Variants in MCU observed in about 807,000 individuals in gnomAD.
MCU encodes the protein mitochondrial calcium uniporter, also known as calcium uniporter protein, mitochondrial.
Under a neutral mutation model 45.2 loss-of-function variants are expected in MCU, and 12 were observed. The observed-to-expected ratio is 0.27, with a 90% CI of 0.17 to 0.43. MCU has a LOEUF of 0.43. Among genes scored for constraint, MCU ranks in the 20% least tolerant of loss-of-function variants. The pLI is 1.00. For missense variants in MCU, 324 were observed against 436.7 expected, an observed-to-expected ratio of 0.74 and a Z score of 2.30; for synonymous variants, 160 against 165.1, an observed-to-expected ratio of 0.97 and a Z score of 0.24.
At chr10:72,717,169 A>G (rs1413721809) in intron 1 of MCU, among the ~76,000 whole-genome samples, 4 of 149,736 alleles carry the variant, frequency 2.7e-5, no homozygotes, top group East Asian at 1.9e-4. Context: ...CAAAGACTCA[A>G]TGATTTAAAC....
At chr10:72,794,751 CT>C (rs1406315392) in intron 1 of MCU, among the ~76,000 whole-genome samples, 2 of 152,184 alleles carry the variant, frequency 1.3e-5, no homozygotes, top group Non-Finnish European at 2.9e-5. Flanking sequence ...GAACAAGACC[CT>C]TAGGCTTCTT....
intron 6 of MCU, among the ~76,000 whole-genome samples, chr10:72,872,132 C>CT (rs1564580678): frequency 6.6e-6 from 1 of 151,950 alleles, no homozygotes; most frequent in African/African-American, 2.4e-5. Context: ...CAAGTCTATT[C>CT]TTTTTTTATT....
intron 1 of MCU, among the ~76,000 whole-genome samples, chr10:72,825,541 A>G (rs1844785926): frequency 6.6e-6 from 1 of 152,244 alleles, no homozygotes; most frequent in African/African-American, 2.4e-5. Context: ...TCAGTATTCA[A>G]GAACAAAGGA....
At chr10:72,747,364 GTTTTC>G (rs1589442382) in intron 1 of MCU, among the ~76,000 whole-genome samples, 3 of 152,102 alleles carry the variant, frequency 2.0e-5, no homozygotes, top group South Asian at 4.1e-4. Flanking sequence ...GTTTTTGTTG[GTTTTC>G]TTTTCTTTTC....
intron 1 of MCU, among the ~76,000 whole-genome samples, chr10:72,746,836 T>C (rs986399971): frequency 2.6e-5 from 4 of 152,240 alleles, no homozygotes; most frequent in African/African-American, 7.2e-5. Context: ...TATTATGTAC[T>C]GAATTGGGGA....
chr10:72,803,231 G>T (rs1164510612), intron 1 of MCU, among the ~76,000 whole-genome samples: 14 of 151,328 alleles, frequency 9.3e-5, no homozygotes, highest in Non-Finnish European at 4.4e-5. Flanking sequence ...TTTTTTTTAA[G>T]AAATGATTTC....
chr10:72,776,561 C>T (rs1393255907), intron 1 of MCU, among the ~76,000 whole-genome samples: 1 of 152,134 alleles, frequency 6.6e-6, no homozygotes, highest in Non-Finnish European at 1.5e-5. Flanking sequence ...ATAGAAGGAG[C>T]ATACCTCAAA....
Position 72,694,501 on chromosome 10 carries a change from A to G in MCU, c.150+2200A>G, listed in dbSNP as rs1174207582. ...TATTGTCCATTATGAAAGTATTGCT[A>G]TTTCAAAACCCCATGAATGGGAATT... On this transcript the variant is annotated intron_variant, in intron 1 of 7. Transcript: ENST00000373053. Among the ~76,000 whole-genome samples the G allele has an allele frequency of 2.0e-5, 3 of 152,208 alleles. No individual in the cohort carries two copies. In the East Asian group the frequency reaches 5.8e-4, roughly 29 times the overall value.
intron 1 of MCU, among the ~76,000 whole-genome samples, chr10:72,725,539 T>C (rs1450862712): frequency 6.6e-6 from 1 of 151,992 alleles, no homozygotes; most frequent in Non-Finnish European, 1.5e-5. Flanking sequence ...CCTCCCAAAG[T>C]GTTGGGATTA....
chr10:72,790,998 T>C (rs573507591), intron 1 of MCU, among the ~76,000 whole-genome samples: 1 of 152,350 alleles, frequency 6.6e-6, no homozygotes, highest in Non-Finnish European at 1.5e-5. Flanking sequence ...TGTATATTCT[T>C]CAGAGTGATT....
At position 72,885,737 on chromosome 10, in the gene MCU, T is replaced by C; in HGVS notation, c.979-8T>C. 6.2e-7 allele frequency: 1 copy of C among 1,606,332 alleles called. No homozygotes were observed. The highest frequency in any genetic ancestry group is 1.1e-5 in the South Asian group (1 of 90,358). On this transcript the variant is annotated splice_polypyrimidine_tract_variant and splice_region_variant and intron_variant, in intron 7 of 7. Transcript: ENST00000373053. ...AGCCAGTTTTCTCACCTTTTGTTTC[T>C]ATTTTAGGCAGAAATGGACCTTAAG... is the stretch of plus-strand genomic sequence containing the variant.
intron 1 of MCU, among the ~76,000 whole-genome samples, chr10:72,700,841 T>C (rs923792014): frequency 6.6e-6 from 1 of 152,196 alleles, no homozygotes; most frequent in African/African-American, 2.4e-5. Flanking sequence ...TCCTGAAGTT[T>C]TCAGTTTTTA....
intron 2 of MCU, among the ~76,000 whole-genome samples, chr10:72,838,152 C>T (rs116931278): frequency 0.032 from 4,841 of 152,124 alleles, 102 homozygotes; most frequent in Non-Finnish European, 0.047. Flanking sequence ...TGAGCCACCG[C>T]GCCCGGCTGC....
At chr10:72,743,568 A>AT (rs906507596) in intron 1 of MCU, among the ~76,000 whole-genome samples, 12 of 151,818 alleles carry the variant, frequency 7.9e-5, no homozygotes, top group African/African-American at 2.2e-4. Flanking sequence ...TATTAGAAGC[A>AT]TTTTTTTTCT....
At chr10:72,735,894 G>A (rs1001022002) in intron 1 of MCU, among the ~76,000 whole-genome samples, 4 of 152,164 alleles carry the variant, frequency 2.6e-5, no homozygotes, top group South Asian at 2.1e-4. Flanking sequence ...GGTTTAAAGT[G>A]TTAATAGTGG....
At chr10:72,700,279 T>G in intron 1 of MCU, among the ~76,000 whole-genome samples, 1 of 151,898 alleles carries the variant, frequency 6.6e-6, no homozygotes. Flanking sequence ...CAGGCTGGTC[T>G]TGAACTCCTG....
intron 1 of MCU, among the ~76,000 whole-genome samples, chr10:72,706,986 C>T (rs1455601188): frequency 3.3e-5 from 5 of 149,728 alleles, no homozygotes; most frequent in African/African-American, 7.4e-5. Flanking sequence ...CATGCCACCA[C>T]GCCTGGCTAA....
intron 1 of MCU, among the ~76,000 whole-genome samples, chr10:72,830,348 A>G (rs1387310931): frequency 6.6e-6 from 1 of 152,226 alleles, no homozygotes; most frequent in African/African-American, 2.4e-5. Flanking sequence ...AACATCTTTT[A>G]TTATTGTCAA....
chr10:72,773,262 T>TA (rs1279646530), intron 1 of MCU, among the ~76,000 whole-genome samples: 8 of 152,146 alleles, frequency 5.3e-5, no homozygotes, highest in Non-Finnish European at 8.8e-5. Context: ...TTCAGAAATT[T>TA]ATCAGAGAAA....
Sources: allele counts gnomAD v4.1 joint callset (sites outside exome capture counted in the v4.1 genomes callset), GRCh38; gene constraint gnomAD v4.1.1; transcripts MANE v1.5; gene names NCBI Gene and HGNC (gene_info 2026-07-23, HGNC 2026-07-21).